CEACAM20: variants seen among roughly 807,000 people sequenced by gnomAD.
CEACAM20 encodes CEA cell adhesion molecule 20, also known as cell adhesion molecule CEACAM20.
Under a neutral mutation model 61.2 loss-of-function variants are expected in CEACAM20, and 50 were observed. The observed-to-expected ratio is 0.82, with a 90% CI of 0.65 to 1.03. The LOEUF (loss-of-function observed/expected upper bound fraction) is 1.03. Ranked by LOEUF, CEACAM20 falls within the 50% of genes least tolerant of loss-of-function variation. The pLI, the probability that CEACAM20 is intolerant of heterozygous loss-of-function variation, is 0.00. For missense variants in CEACAM20, 683 were observed against 736.4 expected (o/e 0.93, Z 0.84); for synonymous variants, 282 against 287.7 (o/e 0.98, Z 0.20).
At chr19:44,511,811 T>A in intron 9 of CEACAM20, 139 bp from the exon 10 acceptor site, 1 of 995,360 alleles carries the variant, frequency 1.0e-6, no homozygotes, top group East Asian at 2.6e-5. Context: ...GGAATTGTCA[T>A]GTCAAAGAAT....
intron 3 of CEACAM20, among the ~76,000 whole-genome samples, chr19:44,523,615 G>C (rs1971436739): frequency 6.6e-6 from 1 of 151,758 alleles, no homozygotes; most frequent in African/African-American, 2.4e-5. Context: ...TGGGATCTTG[G>C]TATGTTGCCC....
At chr19:44,517,553 C>T (rs1157385805) in intron 5 of CEACAM20, among the ~76,000 whole-genome samples, 2 of 151,818 alleles carry the variant, frequency 1.3e-5, no homozygotes, top group East Asian at 1.9e-4. Flanking sequence ...AAAAATTAGC[C>T]GGGCGTAGTG....
intron 6 of CEACAM20, among the ~76,000 whole-genome samples, chr19:44,515,332 C>T (rs985882772): frequency 9.2e-5 from 14 of 152,140 alleles, no homozygotes; most frequent in African/African-American, 2.7e-4. Flanking sequence ...ACAATATCCC[C>T]GTGAGCATCA....
chr19:44,525,299 C>A, intron 1 of CEACAM20, 55 bp from the exon 2 acceptor site: 1 of 1,496,534 alleles, frequency 6.7e-7, no homozygotes. Flanking sequence ...GGGGGTTGCC[C>A]GGCTAAGGTC....
At position 44,513,269 on chromosome 19, in the gene CEACAM20, A is replaced by T; in HGVS notation, c.1330T>A (p.Ser444Thr). ...ACAATACCAGCGATGGCCCCTGAGGACAGGGAGGAGGACTGGGGACCTGGG... is the reference window on the plus strand; with the variant it reads ...ACAATACCAGCGATGGCCCCTGAGGTCAGGGAGGAGGACTGGGGACCTGGG... Reference protein sequence around the residue: ...KVVGPQSSSLSSGAIAGIVIG... With the variant: ...KVVGPQSSSLTSGAIAGIVIG... Residue 444 changes from serine to threonine, a missense_variant, in exon 7 of 12, where the codon TCC (serine) becomes ACC (threonine). Transcript: ENST00000614924. 6.2e-7 allele frequency: 1 copy of T among 1,613,684 alleles called. No homozygotes were observed. Among genetic ancestry groups the T allele is most frequent in the Non-Finnish European group, 8.5e-7 (1 of 1,179,682 alleles).
chr19:44,520,577 T>C lies in CEACAM20; in HGVS notation c.927A>G (p.Leu309=). ...CATTCCGCTGGAGGCCATGGATGATTAGGGTCCTGTTGTCAGCTGACAGCT... is the reference window on the plus strand; with the variant it reads ...CATTCCGCTGGAGGCCATGGATGATCAGGGTCCTGTTGTCAGCTGACAGCT... ...HLQLSADNRT[L]IIHGLQRNDT... The change falls in exon 5 of 12, where the codon CTA becomes CTG. Residue 309 remains leucine, a synonymous_variant. Coordinates refer to ENST00000614924, the MANE Select transcript of CEACAM20 (RefSeq NM_001102597.3). 6.2e-7 allele frequency: 1 copy of C among 1,614,008 alleles called. No homozygotes were observed. Among genetic ancestry groups the C allele is most frequent in the Non-Finnish European group, 8.5e-7 (1 of 1,179,890 alleles).
At chr19:44,523,674 C>T (rs185674129) in intron 3 of CEACAM20, among the ~76,000 whole-genome samples, 144 of 152,134 alleles carry the variant, frequency 9.5e-4, no homozygotes, top group Middle Eastern at 3.4e-3. Context: ...GCCTCAGCCT[C>T]CCAAAATGCT....
chr19:44,513,738 A>C (rs1175075063), intron 6 of CEACAM20, among the ~76,000 whole-genome samples: 1 of 151,952 alleles, frequency 6.6e-6, no homozygotes, highest in Non-Finnish European at 1.5e-5. Context: ...ACTGCACCTG[A>C]CCTCAGTCTG....
rs372107713 is a variant in CEACAM20 at position 44,513,145 on chromosome 19, A to C, written c.1427+27T>G. 1.3e-5 allele frequency: 21 copies of C among 1,557,476 alleles called. 1 individual carries two copies. Among genetic ancestry groups the C allele is most frequent in the African/African-American group, 9.5e-5 (7 of 73,764 alleles). ...CCCTGCTGGCCACATCCCCATCCCCATCCCCCTCCCTGTATCCCTGTGTTA... is the reference window on the plus strand; with the variant it reads ...CCCTGCTGGCCACATCCCCATCCCCCTCCCCCTCCCTGTATCCCTGTGTTA... On this transcript the variant is annotated intron_variant, in intron 7 of 11. Transcript: ENST00000614924.
rs778169781 is a variant in CEACAM20 at position 44,506,262 on chromosome 19, C to T, written c.1738-48G>A. ...GAGCTCCATTTGCTAGGTGGACCCTCCCAGTCTACTCACTGTAGTCTGGGG... is the reference window on the plus strand; with the variant it reads ...GAGCTCCATTTGCTAGGTGGACCCTTCCAGTCTACTCACTGTAGTCTGGGG... On this transcript the variant is annotated intron_variant, in intron 11 of 11. Coordinates refer to ENST00000614924, the MANE Select transcript of CEACAM20 (RefSeq NM_001102597.3). The T allele has an allele frequency of 1.2e-5, 19 of 1,548,444 alleles. 1 individual carries two copies. The highest frequency in any genetic ancestry group is 1.6e-5 in the Non-Finnish European group (18 of 1,122,744).
At chr19:44,518,156 AAGGAAGG>A (rs1971243380) in intron 5 of CEACAM20, among the ~76,000 whole-genome samples, 1 of 86,266 alleles carries the variant, frequency 1.2e-5, no homozygotes, top group Non-Finnish European at 2.4e-5. Context: ...GGAAGGAAGG[AAGGAAGG>A]AAGGAAGAAA....
At chr19:44,520,210 T>C (rs756125273) in intron 5 of CEACAM20, among the ~76,000 whole-genome samples, 1 of 152,196 alleles carries the variant, frequency 6.6e-6, no homozygotes, top group Non-Finnish European at 1.5e-5. Flanking sequence ...TGCCTCCCTG[T>C]AGACAAAGGC....
chr19:44,511,992 G>C (rs750158921), intron 9 of CEACAM20, 25 bp downstream of exon 9: 2 of 1,597,746 alleles, frequency 1.3e-6, no homozygotes. Flanking sequence ...GGATCAAGGA[G>C]GGTTCCCTCT....
chr19:44,525,150 C>T lies in CEACAM20; in HGVS notation c.147G>A (p.Leu49=). Residue 49 remains leucine, a synonymous_variant, in exon 2 of 12, where the codon CTG becomes CTA. Transcript: ENST00000614924. The part of the protein sequence containing the change: ...LDATQSEDVV[L]PVFGTPRTPQ... ...GTGTCCTGGGGGTCCCAAACACAGG[C>T]AGAACAACATCCTCACTTTGGGTGG... The T allele has an allele frequency of 4.3e-6, 7 of 1,610,528 alleles. No individual in the cohort carries two copies. Among genetic ancestry groups the T allele is most frequent in the Non-Finnish European group, 5.9e-6 (7 of 1,178,582 alleles).
chr19:44,519,141 G>A (rs1003894712), intron 5 of CEACAM20, among the ~76,000 whole-genome samples: 1 of 152,036 alleles, frequency 6.6e-6, no homozygotes, highest in Non-Finnish European at 1.5e-5. Flanking sequence ...CAGCTCTTAT[G>A]GTGGACATCC....
At chr19:44,524,394 G>A in intron 2 of CEACAM20, 133 bp from the exon 3 acceptor site, 1 of 947,890 alleles carries the variant, frequency 1.1e-6, no homozygotes, top group East Asian at 2.5e-5. Context: ...TGGATGCCTG[G>A]GCTTGAATGC....
chr19:44,513,153 C>A lies in CEACAM20; in HGVS notation c.1427+19G>T. ...GCCACATCCCCATCCCCATCCCCCT[C>A]CCTGTATCCCTGTGTTACCGTCTGG... On this transcript the variant is annotated intron_variant, in intron 7 of 11. Transcript: ENST00000614924. 6.3e-7 allele frequency: 1 copy of A among 1,583,118 alleles called. No individual in the cohort carries two copies. Among genetic ancestry groups the A allele is most frequent in the South Asian group, 1.1e-5 (1 of 89,566 alleles).
intron 11 of CEACAM20, among the ~76,000 whole-genome samples, chr19:44,510,123 T>C (rs914032654): frequency 6.7e-6 from 1 of 150,136 alleles, no homozygotes; most frequent in Non-Finnish European, 1.5e-5. Flanking sequence ...TAAAATGCAA[T>C]AGAAAGAAAG....
intron 3 of CEACAM20, among the ~76,000 whole-genome samples, chr19:44,523,409 A>AAATG (rs147633867): frequency 0.26 from 38,975 of 149,690 alleles, 5,409 homozygotes; most frequent in East Asian, 0.56. Flanking sequence ...ATCTTGTCTC[A>AAATG]AATGAATGAA....
Sources: gnomAD v4.1 joint callset for allele counts (sites outside exome capture counted in the v4.1 genomes callset) on GRCh38, gnomAD v4.1.1 for gene constraint, MANE v1.5 for transcripts, NCBI Gene and HGNC (gene_info 2026-07-23, HGNC 2026-07-21) for gene names.